The following UBXN11 variants were observed in gnomAD, a reference collection of about 807,000 sequenced individuals.
UBXN11 encodes the protein UBX domain protein 11.
UBXN11 carries 47 observed loss-of-function variants against 62.8 expected under a neutral mutation model. That is an observed-to-expected ratio of 0.75 (90% confidence interval 0.59 to 0.95). UBXN11 has a LOEUF of 0.95. Ranked by LOEUF, UBXN11 falls within the 40% of genes least tolerant of loss-of-function variation. The pLI is 0.00. For synonymous variants in UBXN11, 294 were observed against 267.0 expected, an observed-to-expected ratio of 1.10 and a Z score of -0.99; for missense variants, 638 against 661.7, an observed-to-expected ratio of 0.96 and a Z score of 0.39.
upstream of UBXN11, among the ~76,000 whole-genome samples, chr1:26,309,245 A>AT (rs34740186): frequency 2.4e-4 from 27 of 112,530 alleles, 1 homozygote; most frequent in East Asian, 1.6e-3. Context: ...GAGTCAATTG[A>AT]TTTTTTTTTT....
At chr1:26,285,182 G>T in intron 10 of UBXN11, 1 of 1,225,704 alleles carries the variant, frequency 8.2e-7, no homozygotes, top group Non-Finnish European at 1.0e-6. Flanking sequence ...GGGACCCCAG[G>T]TTGTCAAGGT....
At chr1:26,289,836 G>A (rs1437058633) in intron 8 of UBXN11, among the ~76,000 whole-genome samples, 1 of 152,212 alleles carries the variant, frequency 6.6e-6, no homozygotes, top group Admixed American at 6.5e-5. Context: ...CCATGTGCCT[G>A]CCCTTGACCC....
chr1:26,285,711 T>G, intron 9 of UBXN11, 112 bp downstream of exon 9: 1 of 1,429,164 alleles, frequency 7.0e-7, no homozygotes, highest in Admixed American at 2.5e-5. Context: ...TGTGTGGGCC[T>G]GGGTGCCCCG....
chr1:26,290,024 G>C (rs974927222), intron 8 of UBXN11, among the ~76,000 whole-genome samples: 1 of 152,224 alleles, frequency 6.6e-6, no homozygotes, highest in Non-Finnish European at 1.5e-5. Context: ...GGACTGGCAG[G>C]ATCTGAACTC....
In UBXN11 at chr1:26,298,023, G is replaced by A. The variant is rs201705864; in HGVS notation, c.239C>T (p.Thr80Met). The change falls in exon 5 of 15, where the codon ACG becomes ATG. Residue 80 changes from threonine (T) to methionine (M), a missense_variant. Coordinates refer to ENST00000374222, the MANE Select transcript of UBXN11 (RefSeq NM_001389556.1). ...CTGCTCCAGGTCCCACAACTTCCTCGTCATGAAGGCCATCAGCTCCGAGTC... is the reference window on the plus strand; with the variant it reads ...CTGCTCCAGGTCCCACAACTTCCTCATCATGAAGGCCATCAGCTCCGAGTC... ...SHDSELMAFMTRKLWDLEQQV... is the reference protein window; with the variant it reads ...SHDSELMAFMMRKLWDLEQQV... 2.0e-5 allele frequency: 32 copies of A among 1,613,804 alleles called. No individual in the cohort carries two copies. The highest frequency in any genetic ancestry group is 1.8e-4 in the East Asian group (8 of 44,892).
At chr1:26,302,998 C>A in intron 1 of UBXN11, 80 bp from the exon 2 acceptor site, 1 of 917,702 alleles carries the variant, frequency 1.1e-6, no homozygotes, top group East Asian at 2.5e-5. Context: ...TTTCCACTTC[C>A]CTGGCTACTC....
intron 10 of UBXN11, chr1:26,285,001 C>G (rs543778393): frequency 2.0e-6 from 2 of 1,001,032 alleles, no homozygotes; most frequent in Non-Finnish European, 2.4e-6. Context: ...TTCTAGAACA[C>G]GAAGCCTCAT....
chr1:26,308,806 C>A (rs2073709049), upstream of UBXN11, among the ~76,000 whole-genome samples: 3 of 152,274 alleles, frequency 2.0e-5, no homozygotes, highest in South Asian at 4.1e-4. Context: ...ACCCAGGCAC[C>A]AGGATTTACC....
At chr1:26,300,011 A>G (rs1312836557) in intron 4 of UBXN11, among the ~76,000 whole-genome samples, 1 of 152,180 alleles carries the variant, frequency 6.6e-6, no homozygotes, top group African/African-American at 2.4e-5. Context: ...AATAAAATAA[A>G]AAAGAAAGTT....
intron 8 of UBXN11, among the ~76,000 whole-genome samples, chr1:26,287,459 GA>G (rs2124638517): frequency 6.6e-6 from 1 of 152,136 alleles, no homozygotes; most frequent in Admixed American, 6.5e-5. Flanking sequence ...TCTTTGATGG[GA>G]CCTGGCCCCC....
At chr1:26,285,304 T>C in intron 10 of UBXN11, 160 bp downstream of exon 10, 1 of 1,453,156 alleles carries the variant, frequency 6.9e-7, no homozygotes, top group Non-Finnish European at 9.1e-7. Flanking sequence ...TCCGCTCCCT[T>C]CCCAGCCCGG....
chr1:26,306,077 A>G (rs1355643293), intron 1 of UBXN11, among the ~76,000 whole-genome samples: 8 of 152,186 alleles, frequency 5.3e-5, no homozygotes, highest in Admixed American at 4.6e-4. Flanking sequence ...GGGCAGGGGC[A>G]TATCTCTTTC....
rs2073518957 is a variant in UBXN11, at chr1:26,300,969, G to A, written c.156C>T (p.Val52=). The A allele has an allele frequency of 1.2e-6, 2 of 1,614,074 alleles. No homozygotes were observed. The highest frequency in any genetic ancestry group is 1.7e-5 in the Admixed American group (1 of 60,004). The change falls in exon 4 of 15, where the codon GTC becomes GTT. Residue 52 remains valine, a synonymous_variant. Transcript: ENST00000374222. ...DGCGSEEKIS[V]PSCYGGIGAP... is the part of the protein sequence containing the mutation. ...CACCTATGCCGCCATAGCAGGAAGG[G>A]ACTGAGATCTTTTCTTCTGAGCCAC... is the stretch of plus-strand genomic sequence containing the variant.
upstream of UBXN11, among the ~76,000 whole-genome samples, chr1:26,307,989 G>A (rs1346894518): frequency 3.3e-5 from 5 of 152,136 alleles, no homozygotes; most frequent in Non-Finnish European, 4.4e-5. Context: ...GATGAGGGCC[G>A]GGCGTGGTGG....
chr1:26,282,382 TGGGGCCGGGACCGGGA>T lies in UBXN11; in HGVS notation c.1464_1479del (p.Pro489ValfsTer?). Reference sequence around the variant, plus strand: ...CTGGGGCCGGGACCGGGACCGGGACTGGGGCCGGGACCGGGACCGGGACAGGGACCAGGACTGAATT... The same window carrying T: ...CTGGGGCCGGGACCGGGACCGGGACTCCGGGACAGGGACCAGGACTGAATT... On this transcript the variant is annotated frameshift_variant, in exon 15 of 15. Transcript: ENST00000374222. LOFTEE classifies it low-confidence loss of function (END_TRUNC). The T allele has an allele frequency of 3.0e-6, 1 of 334,360 alleles. No homozygotes were observed. Among genetic ancestry groups the T allele is most frequent in the Non-Finnish European group, 3.9e-6 (1 of 255,448 alleles). 20.7% of individuals were successfully genotyped at this position (334,360 alleles called of 1,614,324 possible).
At position 26,297,102 on chromosome 1, in the gene UBXN11, AC is replaced by A. The variant is rs2124657897; in HGVS notation, c.356-108del. ...AAGCTGTTCTGGGGATCCCCCAAGAACTGCCTCTTGGCCCCCCACCTCTCTG... is the reference window on the plus strand; with the variant it reads ...AAGCTGTTCTGGGGATCCCCCAAGAATGCCTCTTGGCCCCCCACCTCTCTG... On this transcript the variant is annotated intron_variant, in intron 6 of 14. Transcript: ENST00000374222. 4 of 1,324,500 alleles carry A rather than the reference AC, an allele frequency of 3.0e-6. No individual in the cohort carries two copies. In the East Asian group the frequency reaches 1.0e-4, roughly 33 times the overall value. 82.0% of individuals were successfully genotyped at this position (1,324,500 alleles called of 1,614,324 possible).
At chr1:26,282,837 G>T in intron 13 of UBXN11, 27 bp downstream of exon 13, 3 of 1,613,532 alleles carry the variant, frequency 1.9e-6, no homozygotes, top group South Asian at 2.2e-5. Context: ...ACGCCCCCAG[G>T]CCCTCACCTC....
rs753366267 is a variant in UBXN11, at chr1:26,282,489, G to T, written c.1373C>A (p.Ala458Asp). Residue 458 changes from alanine to aspartate, a missense_variant, in exon 15 of 15, where the codon GCT (alanine) becomes GAT (aspartate). Physicochemically the swap from Ala to Asp is moderately radical, Grantham distance 126. Coordinates refer to ENST00000374222, the MANE Select transcript of UBXN11 (RefSeq NM_001389556.1). Reference sequence around the variant, plus strand: ...TGCTGCTTTGGGCACAAGGCCTGCAGCCTGCAGCGTGAGTGTATCGTCCTG... The same window carrying T: ...TGCTGCTTTGGGCACAAGGCCTGCATCCTGCAGCGTGAGTGTATCGTCCTG... ...LYQDDTLTLQAAGLVPKAALL... is the reference protein window; with the variant it reads ...LYQDDTLTLQDAGLVPKAALL... 2 of 1,607,924 alleles carry T rather than the reference G, an allele frequency of 1.2e-6. No individual in the cohort carries two copies. Among genetic ancestry groups the T allele is most frequent in the Non-Finnish European group, 1.7e-6 (2 of 1,176,816 alleles).
chr1:26,304,475 A>G (rs561679532), intron 1 of UBXN11, among the ~76,000 whole-genome samples: 1 of 152,322 alleles, frequency 6.6e-6, no homozygotes, highest in South Asian at 2.1e-4. Flanking sequence ...AATTCTGGCC[A>G]GGCACGGTGG....
Sources: allele counts gnomAD v4.1 joint callset (sites outside exome capture counted in the v4.1 genomes callset), GRCh38; gene constraint gnomAD v4.1.1; transcripts MANE v1.5; gene names NCBI Gene and HGNC (gene_info 2026-07-23, HGNC 2026-07-21).